The following EML5 variants were observed in gnomAD, a reference collection of about 807,000 sequenced individuals.
EML5 encodes the protein EMAP like 5, also known as echinoderm microtubule-associated protein-like 5.
Under a neutral mutation model 250.0 loss-of-function variants are expected in EML5, and 120 were observed. The ratio of observed to expected loss-of-function variants is 0.48; its 90% confidence interval spans 0.41 to 0.56. EML5 has a LOEUF of 0.56. EML5 is among the 20% of genes least tolerant of loss of function. The probability of loss-of-function intolerance (pLI) is 0.00; values close to 1 mark genes in which losing one functional copy is unlikely to be tolerated. For synonymous variants in EML5, 771 were observed against 806.5 expected (o/e 0.96, Z 0.75); for missense variants, 2,006 against 2,437.6 (o/e 0.82, Z 3.73).
intron 1 of EML5, among the ~76,000 whole-genome samples, chr14:88,774,005 G>A (rs766319047): frequency 1.2e-4 from 19 of 152,164 alleles, no homozygotes; most frequent in Non-Finnish European, 2.1e-4. Context: ...TGTAGTCCCA[G>A]CTACTTGAGA....
rs2093028412 is a variant in EML5, at chr14:88,694,338, T to A, written c.2508A>T (p.Gly836=). ...TACGCCAAAATTTCATGTGTTTAAT[T>A]CCAGCTGTAATTAGTTTATCAGGCA... ...PYVPDKLITA[G]IKHMKFWRKA... is the part of the protein sequence containing the mutation. The change falls in exon 17 of 44, where the codon GGA becomes GGT. Residue 836 remains glycine (G), a synonymous_variant. Coordinates refer to ENST00000554922, the MANE Select transcript of EML5 (RefSeq NM_183387.3). 1 of 1,593,252 alleles carries A rather than the reference T, an allele frequency of 6.3e-7. No individual in the cohort carries two copies. The highest frequency in any genetic ancestry group is 8.6e-7 in the Non-Finnish European group (1 of 1,169,028).
At chr14:88,637,699 T>C (rs2090819580) in intron 32 of EML5, among the ~76,000 whole-genome samples, 1 of 152,130 alleles carries the variant, frequency 6.6e-6, no homozygotes, top group Non-Finnish European at 1.5e-5. Context: ...AAACAGTAAC[T>C]ATGTACCAAG....
At chr14:88,764,203 A>G (rs1003419893) in intron 1 of EML5, among the ~76,000 whole-genome samples, 1 of 152,150 alleles carries the variant, frequency 6.6e-6, no homozygotes, top group African/African-American at 2.4e-5. Context: ...AGTTGTCTGT[A>G]GTTTCCTTTT....
chr14:88,671,397 G>A (rs144916354), intron 21 of EML5, among the ~76,000 whole-genome samples: 2,854 of 152,274 alleles, frequency 0.019, 101 homozygotes, highest in African/African-American at 0.065. Flanking sequence ...AAGAGCTCCC[G>A]AAGGAAGCAC....
At chr14:88,761,255 G>C (rs556614576) in intron 1 of EML5, among the ~76,000 whole-genome samples, 1 of 151,794 alleles carries the variant, frequency 6.6e-6, no homozygotes, top group Non-Finnish European at 1.5e-5. Flanking sequence ...AGAACGTGCA[G>C]GTTTGTTGCA....
intron 31 of EML5, among the ~76,000 whole-genome samples, chr14:88,639,486 C>A (rs1486256189): frequency 1.3e-5 from 2 of 152,172 alleles, no homozygotes; most frequent in Non-Finnish European, 2.9e-5. Context: ...GCCAGAGTCA[C>A]ACAGAAACCA....
At chr14:88,709,911 T>C (rs574435394) in intron 10 of EML5, among the ~76,000 whole-genome samples, 1 of 152,354 alleles carries the variant, frequency 6.6e-6, no homozygotes, top group South Asian at 2.1e-4. Context: ...TTTTTCTTTG[T>C]TAGATATTTG....
chr14:88,615,864 G>A lies in EML5; in HGVS notation c.5898-10C>T, dbSNP rs987577265. The A allele has an allele frequency of 5.0e-6, 8 of 1,609,900 alleles. No homozygotes were observed. The Admixed American group carries it at 1.2e-4, about 24-fold the overall frequency. ...TTTCCAGACAAATAAGCTGCAATCA[G>A]AGAAGAAAATTGCAGGGAGTTAATT... On this transcript the variant is annotated splice_polypyrimidine_tract_variant and intron_variant, in intron 43 of 43. Transcript: ENST00000554922.
At chr14:88,784,442 T>A (rs2094530339) in intron 1 of EML5, among the ~76,000 whole-genome samples, 1 of 148,902 alleles carries the variant, frequency 6.7e-6, no homozygotes. Flanking sequence ...AAATTGGAAA[T>A]GAAAAAGGAG....
intron 14 of EML5, among the ~76,000 whole-genome samples, chr14:88,698,613 C>A (rs1169555895): frequency 6.6e-6 from 1 of 152,122 alleles, no homozygotes; most frequent in African/African-American, 2.4e-5. Context: ...TCACCTGTTA[C>A]TTAAATACAA....
At chr14:88,698,026 C>T (rs1449745677) in intron 14 of EML5, among the ~76,000 whole-genome samples, 3 of 152,072 alleles carry the variant, frequency 2.0e-5, no homozygotes, top group African/African-American at 4.8e-5. Flanking sequence ...TGTGAGCTAC[C>T]GCACCTGGCC....
In EML5 at chr14:88,658,149, T is replaced by TC. The variant is rs1243857692; in HGVS notation, c.3877+37dup. ...AGCTTAAACAAGTTGTGCTAAATTT[T>TC]CCCTATATTTTTGTTCAAGTATTAT... On this transcript the variant is annotated intron_variant, in intron 26 of 43. Coordinates refer to ENST00000554922, the MANE Select transcript of EML5 (RefSeq NM_183387.3). 33 of 1,599,530 alleles carry TC rather than the reference T, an allele frequency of 2.1e-5. No homozygotes were observed. In the East Asian group the frequency reaches 7.4e-4, roughly 36 times the overall value.
chr14:88,770,929 G>A (rs1043373851), intron 1 of EML5, among the ~76,000 whole-genome samples: 39 of 152,020 alleles, frequency 2.6e-4, no homozygotes, highest in African/African-American at 7.7e-4. Context: ...TATTAATATT[G>A]CTGAGTAATG....
intron 24 of EML5, among the ~76,000 whole-genome samples, chr14:88,662,287 A>G (rs1192165174): frequency 1.8e-5 from 1 of 54,948 alleles, no homozygotes; most frequent in Non-Finnish European, 2.9e-5. Flanking sequence ...GATAAAAAAT[A>G]AAAAAAAAAA....
chr14:88,717,923 C>T lies in EML5; in HGVS notation c.1188-2728G>A, dbSNP rs149886554. 1.2e-3 allele frequency among the ~76,000 whole-genome samples: 188 copies of T among 152,212 alleles called. 1 individual carries two copies. Among genetic ancestry groups the T allele is most frequent in the African/African-American group, 3.6e-3 (150 of 41,528 alleles). ...TATTATACTCCATACTATTATAGGACGTAATACGTACTATAGGTTAAAGAT... is the reference window on the plus strand; with the variant it reads ...TATTATACTCCATACTATTATAGGATGTAATACGTACTATAGGTTAAAGAT... On this transcript the variant is annotated intron_variant, in intron 8 of 43. Coordinates refer to ENST00000554922, the MANE Select transcript of EML5 (RefSeq NM_183387.3).
In EML5 at chr14:88,739,794, C is replaced by T. The variant is rs553016691; in HGVS notation, c.711+593G>A. Among the ~76,000 whole-genome samples the T allele has an allele frequency of 5.9e-5, 9 of 152,058 alleles. No individual in the cohort carries two copies. In the South Asian group the frequency reaches 1.0e-3, roughly 18 times the overall value. On this transcript the variant is annotated intron_variant, in intron 5 of 43. Coordinates refer to ENST00000554922, the MANE Select transcript of EML5 (RefSeq NM_183387.3). ...AAAGGAAAGAAAACCAATTCAACAA[C>T]CACAAAAAATTTAAAAAGTAAAAAA...
At chr14:88,741,347 A>C (rs2093922963) in intron 4 of EML5, among the ~76,000 whole-genome samples, 1 of 152,198 alleles carries the variant, frequency 6.6e-6, no homozygotes, top group Admixed American at 6.5e-5. Context: ...CTGTAACTAT[A>C]ATATTTGATA....
At chr14:88,702,667 T>G in intron 13 of EML5, 35 bp from the exon 14 acceptor site, 1 of 1,463,922 alleles carries the variant, frequency 6.8e-7, no homozygotes, top group Non-Finnish European at 9.1e-7. Flanking sequence ...TAATTAATTT[T>G]GGCCTTTTAT....
At chr14:88,759,112 T>G (rs1171103750) in intron 1 of EML5, among the ~76,000 whole-genome samples, 1 of 152,198 alleles carries the variant, frequency 6.6e-6, no homozygotes, top group African/African-American at 2.4e-5. Flanking sequence ...TAAAAATCAC[T>G]GAATTGTGCA....
Sources: allele counts gnomAD v4.1 joint callset (sites outside exome capture counted in the v4.1 genomes callset), GRCh38; gene constraint gnomAD v4.1.1; transcripts MANE v1.5; gene names NCBI Gene and HGNC (gene_info 2026-07-23, HGNC 2026-07-21).